Variants in CFAP99 observed in about 807,000 individuals in gnomAD.
CFAP99 encodes the protein cilia and flagella associated protein 99.
A neutral mutation model predicts 82.7 loss-of-function variants in CFAP99; 84 were observed. That is an observed-to-expected ratio of 1.02 (90% CI 0.85 to 1.22). CFAP99 has a LOEUF of 1.22. CFAP99 is among the 50% of genes most tolerant of loss of function. The pLI, the probability that CFAP99 is intolerant of heterozygous loss-of-function variation, is 0.00. For missense variants in CFAP99, 1,059 were observed against 983.5 expected (o/e 1.08, Z -1.03); for synonymous variants, 456 against 429.5 (o/e 1.06, Z -0.76).
At chr4:2,458,830 C>T (rs1578483851) in exon 12 of CFAP99, 2 of 1,535,832 alleles carry the variant, frequency 1.3e-6, no homozygotes, top group Non-Finnish European at 8.7e-7. Context: ...CCAAGGCGGC[C>T]CAGACGAAGC....
At chr4:2,428,886 C>T (rs1448871488) in intron 2 of CFAP99, 2 of 152,348 alleles carry the variant, frequency 1.3e-5, no homozygotes, top group African/African-American at 4.8e-5. Context: ...GTGGGCACCT[C>T]CCGTGTGACA....
In CFAP99 at chr4:2,462,833, G is replaced by C. The variant is rs1054314104; in HGVS notation, c.2052G>C (p.Trp684Cys). The C allele has an allele frequency of 4.3e-6, 6 of 1,384,884 alleles. No individual in the cohort carries two copies. The highest frequency in any genetic ancestry group is 5.6e-6 in the Non-Finnish European group (6 of 1,068,800). The allele number at this position is 1,384,884 out of a possible 1,614,324, so 85.8% of individuals were successfully genotyped here. A position where few individuals can be genotyped will look rare whatever the true frequency, so the allele number is the denominator to read the frequency against. The change falls in exon 15 of 15, where the codon TGG (tryptophan) becomes TGC (cysteine). Residue 684 changes from tryptophan (W) to cysteine (C), a missense_variant. Trp to Cys is a radical substitution (Grantham distance 215). Coordinates refer to ENST00000635017, the Ensembl canonical transcript of CFAP99. This position sits in a 1 kb window ranked among gnomAD's most constrained non-coding sequence, Gnocchi z 4.1. ...AGGCGCAGCTAGAGGCGCAGCACTG[G>C]CTGGAGCTGGAGCGGAGCCGCGAGC...
rs572500587 is a variant in CFAP99, at chr4:2,456,408, G to A, written c.1162-2315G>A. 9.2e-5 allele frequency among the ~76,000 whole-genome samples: 14 copies of A among 152,114 alleles called. No individual in the cohort carries two copies. The South Asian group carries it at 2.9e-3, about 32-fold the overall frequency. ...TTTTAAAATTATGGCTGGATGCGGT[G>A]GCTCACACCTGTAGTCACGGCACTT... On this transcript the variant is annotated intron_variant, in intron 11 of 14. Transcript: ENST00000635017.
intron 11 of CFAP99, among the ~76,000 whole-genome samples, chr4:2,454,813 G>C (rs542513114): frequency 6.6e-6 from 1 of 151,630 alleles, no homozygotes; most frequent in African/African-American, 2.4e-5. Context: ...GTAGAGACAA[G>C]GTTTCACCAT....
At chr4:2,451,197 G>A (rs926937605) in intron 9 of CFAP99, 67 bp from the exon 10 acceptor site, 4 of 1,514,916 alleles carry the variant, frequency 2.6e-6, no homozygotes, top group South Asian at 1.2e-5. Flanking sequence ...CATGAGGGCA[G>A]GATGGGCATT....
At chr4:2,430,801 G>C (rs1374575123) in intron 2 of CFAP99, among the ~76,000 whole-genome samples, 1 of 152,186 alleles carries the variant, frequency 6.6e-6, no homozygotes, top group African/African-American at 2.4e-5. Flanking sequence ...AGCCAGGCAT[G>C]GTGGCTCATG....
rs118090074 is a variant in CFAP99 at position 2,439,194 on chromosome 4, A to G, written c.351+1030A>G. 1.0e-3 allele frequency among the ~76,000 whole-genome samples: 158 copies of G among 152,334 alleles called. No homozygotes were observed. In the East Asian group the frequency reaches 0.028, roughly 27 times the overall value. On this transcript the variant is annotated intron_variant, in intron 4 of 14. Transcript: ENST00000635017. ...AACGACCCAGTGAGGTTGCTCCTACATGGTACTCATCCCAGGGTTGCGGAA... is the reference window on the plus strand; with the variant it reads ...AACGACCCAGTGAGGTTGCTCCTACGTGGTACTCATCCCAGGGTTGCGGAA...
intron 2 of CFAP99, chr4:2,428,767 G>C (rs1733739379): frequency 6.5e-6 from 1 of 152,718 alleles, no homozygotes; most frequent in Non-Finnish European, 1.5e-5. Context: ...GCTGCTCTCT[G>C]CTCTCTTTGC....
chr4:2,441,330 G>A lies in CFAP99; in HGVS notation c.352-1800G>A, dbSNP rs187093531. On this transcript the variant is annotated intron_variant, in intron 4 of 14. Coordinates refer to ENST00000635017, the Ensembl canonical transcript of CFAP99. ...GGAGGTTGCAGTGAGCTGAGATGGC[G>A]CCATTGCACTCCAGCCTGGGCGACA... 6.2e-4 allele frequency among the ~76,000 whole-genome samples: 90 copies of A among 145,934 alleles called. No homozygotes were observed. In the East Asian group the frequency reaches 0.018, roughly 29 times the overall value.
intron 2 of CFAP99, 32 bp from the exon 3 acceptor site, chr4:2,436,842 C>T (rs923210921): frequency 1.3e-6 from 2 of 1,533,544 alleles, no homozygotes; most frequent in Admixed American, 3.9e-5. Flanking sequence ...CCCGGCCCAG[C>T]CAGGGCCCCC....
Position 2,436,877 on chromosome 4 carries a change from C to G in CFAP99, c.115C>G (p.Leu39Val), listed in dbSNP as rs1052925537. 1.3e-5 allele frequency: 20 copies of G among 1,535,836 alleles called. No individual in the cohort carries two copies. The African/African-American group carries it at 1.9e-4, about 15-fold the overall frequency. Residue 39 changes from leucine (L) to valine (V), a missense_variant, in exon 3 of 15, where the codon CTG (leucine) becomes GTG (valine). Coordinates refer to ENST00000635017, the Ensembl canonical transcript of CFAP99. ...CCACCGGCTGTCTCTCTTCCAGGCT[C>G]TGAGCCCCCAGAAGCAGAGCTTTGT...
intron 11 of CFAP99, among the ~76,000 whole-genome samples, chr4:2,456,179 C>T (rs1734428460): frequency 6.6e-6 from 1 of 151,956 alleles, no homozygotes; most frequent in Non-Finnish European, 1.5e-5. Context: ...TCAACAGTTA[C>T]CAGGTTTTTT....
At position 2,462,878 on chromosome 4, in the gene CFAP99, G is replaced by A; in HGVS notation, c.2097G>A (p.Gln699=). ...GCGAGCGCAGGCTGCAGGCGCTGCA[G>A]CAGGGAGGCTCAGGACCCGGGCCCG... Residue 699 remains glutamine (Q), a synonymous_variant, in exon 15 of 15, where the codon CAG becomes CAA. Transcript: ENST00000635017. The surrounding 1 kb of genome is among the most constrained non-coding windows in gnomAD (Gnocchi z 4.1). 2 of 1,385,560 alleles carry A rather than the reference G, an allele frequency of 1.4e-6. No homozygotes were observed. The highest frequency in any genetic ancestry group is 2.9e-5 in the Admixed American group (1 of 34,464). The allele number at this position is 1,385,560 out of a possible 1,614,324, so 85.8% of individuals were successfully genotyped here. A position where few individuals can be genotyped will look rare whatever the true frequency, so the allele number is the denominator to read the frequency against.
chr4:2,438,029 C>T (rs201926358), intron 3 of CFAP99, 41 bp from the exon 4 acceptor site: 48 of 1,274,782 alleles, frequency 3.8e-5, no homozygotes, highest in Admixed American at 1.6e-4. Context: ...CCTGGTGCCC[C>T]GTGACGTCCC....
chr4:2,426,405 T>TC, intron 1 of CFAP99, 54 bp from the exon 2 acceptor site: 4 of 1,116,406 alleles, frequency 3.6e-6, no homozygotes, highest in Non-Finnish European at 5.2e-6. Context: ...CTGGGGAGGG[T>TC]CCTGCGGCTA....
At chr4:2,422,474 C>T (rs1485374011) in intron 1 of CFAP99, among the ~76,000 whole-genome samples, 2 of 152,186 alleles carry the variant, frequency 1.3e-5, no homozygotes, top group Non-Finnish European at 2.9e-5. Context: ...CCTCTTCCTC[C>T]TCCTCGATTT....
chr4:2,462,941 GC>G, exon 15 of CFAP99: 2 of 1,263,170 alleles, frequency 1.6e-6, no homozygotes, highest in Non-Finnish European at 2.0e-6. The surrounding 1 kb of genome is among the most constrained non-coding windows in gnomAD (Gnocchi z 4.1). Flanking sequence ...GGCCGAGCGC[GC>G]CCCACCCGCT....
chr4:2,430,970 G>A (rs375041782), intron 2 of CFAP99, among the ~76,000 whole-genome samples: 25 of 152,204 alleles, frequency 1.6e-4, no homozygotes, highest in African/African-American at 5.3e-4. Context: ...CTACTCGGGG[G>A]CTAAGGAAGG....
chr4:2,455,191 C>T (rs1250791428), intron 11 of CFAP99, among the ~76,000 whole-genome samples: 1 of 152,262 alleles, frequency 6.6e-6, no homozygotes, highest in Non-Finnish European at 1.5e-5. Flanking sequence ...TGCGCCTCTG[C>T]GCCCAGCCTA....
Sources: allele counts gnomAD v4.1 joint callset (sites outside exome capture counted in the v4.1 genomes callset), GRCh38; gene constraint gnomAD v4.1.1; non-coding constraint Gnocchi (gnomAD v3.1); transcripts MANE v1.5; gene names NCBI Gene and HGNC (gene_info 2026-07-23, HGNC 2026-07-21).